Variants in GCFC2 observed in about 807,000 individuals in gnomAD.
GCFC2 encodes the protein GC-rich sequence DNA-binding factor 2, also known as intron Large complex component GCFC2.
In GCFC2, 102 loss-of-function variants were observed where a neutral mutation model predicts 99.4. The ratio of observed to expected loss-of-function variants is 1.03; its 90% confidence interval spans 0.87 to 1.21. The LOEUF (loss-of-function observed/expected upper bound fraction) is 1.21, where lower values mean the gene tolerates loss of function less well. Among genes scored for constraint, GCFC2 ranks in the 50% most tolerant of loss-of-function variants. GCFC2 has a pLI of 0.00. For synonymous variants in GCFC2, 338 were observed against 316.8 expected, an observed-to-expected ratio of 1.07 and a Z score of -0.71; for missense variants, 973 against 920.9, an observed-to-expected ratio of 1.06 and a Z score of -0.73.
intron 8 of GCFC2, 150 bp downstream of exon 8, chr2:75,690,488 G>T: frequency 1.7e-6 from 1 of 593,272 alleles, no homozygotes; most frequent in Non-Finnish European, 2.9e-6. Context: ...AGTCAAGGGT[G>T]GTTTTACTAA....
intron 12 of GCFC2, among the ~76,000 whole-genome samples, chr2:75,674,656 CTACACA>C (rs1181285921): frequency 1.3e-5 from 2 of 151,790 alleles, no homozygotes; most frequent in African/African-American, 2.4e-5. Context: ...AAATGGCATA[CTACACA>C]TTAGAGTAAA....
At position 75,680,291 on chromosome 2, in the gene GCFC2, G is replaced by A; in HGVS notation, c.1714C>T (p.Pro572Ser). The change falls in exon 12 of 17, where the codon CCT becomes TCT. Residue 572 changes from proline (P) to serine (S), a missense_variant. Physicochemically the swap from Pro to Ser is moderately conservative, Grantham distance 74. Transcript: ENST00000321027. ...LTDFVEFLWD[P>S]LSTSQTTSLI... ...CTTGTTGTCTGTGAGGTTGACAAAGGATCCCAAAGGAATTCTACAAAGTCT... is the reference window on the plus strand; with the variant it reads ...CTTGTTGTCTGTGAGGTTGACAAAGAATCCCAAAGGAATTCTACAAAGTCT... 1.2e-6 allele frequency: 2 copies of A among 1,608,536 alleles called. No homozygotes were observed.
intron 13 of GCFC2, 110 bp downstream of exon 13, chr2:75,673,334 A>G: frequency 1.5e-6 from 1 of 667,624 alleles, no homozygotes; most frequent in Non-Finnish European, 2.7e-6. Context: ...AGAAACACAA[A>G]AAACAAAACA....
At position 75,664,863 on chromosome 2, in the gene GCFC2, T is replaced by C. The variant is rs988202953; in HGVS notation, c.2229-80A>G. On this transcript the variant is annotated intron_variant, in intron 16 of 16. Coordinates refer to ENST00000321027, the MANE Select transcript of GCFC2 (RefSeq NM_003203.5). ...GGTCAATTCAGAACCTGATCATCAG[T>C]TGTTAATCTAAAACAAAAGCTTTAC... is the stretch of plus-strand genomic sequence containing the variant. The C allele has an allele frequency of 2.0e-5, 14 of 704,070 alleles. No homozygotes were observed. The African/African-American group carries it at 2.5e-4, about 13-fold the overall frequency. The allele number at this position is 704,070 out of a possible 1,614,324, so 43.6% of individuals were successfully genotyped here.
In GCFC2 at chr2:75,706,616, C is replaced by T. The variant is rs370808862; in HGVS notation, c.301G>A (p.Asp101Asn). Residue 101 changes from aspartate to asparagine, a missense_variant, in exon 2 of 17, where the codon GAT (aspartate) becomes AAT (asparagine). Transcript: ENST00000321027. ...CTTTCTGAGGAGTGATGTATTTTAT[C>T]CTCTTCATCTGTGGACACATCAAGG... ...RTLDVSTDEE[D>N]KIHHSSESKD... 26 of 1,593,936 alleles carry T rather than the reference C, an allele frequency of 1.6e-5. No homozygotes were observed. The African/African-American group carries it at 2.7e-4, about 16-fold the overall frequency.
intron 1 of GCFC2, 46 bp downstream of exon 1, chr2:75,710,545 C>A: frequency 2.1e-6 from 3 of 1,455,472 alleles, no homozygotes; most frequent in African/African-American, 1.5e-5. Flanking sequence ...GGCCCCTTCC[C>A]GCCCTGTGCC....
At chr2:75,691,291 T>A (rs1198319100) in intron 7 of GCFC2, among the ~76,000 whole-genome samples, 4 of 152,228 alleles carry the variant, frequency 2.6e-5, no homozygotes, top group Admixed American at 2.6e-4. Flanking sequence ...GGTATCTCTC[T>A]CTCAAAATAT....
At position 75,710,749 on chromosome 2, in the gene GCFC2, G is replaced by A. The variant is rs764549889; in HGVS notation, c.107C>T (p.Pro36Leu). 5 of 1,565,342 alleles carry A rather than the reference G, an allele frequency of 3.2e-6. No individual in the cohort carries two copies. The African/African-American group carries it at 4.2e-5, about 13-fold the overall frequency. Residue 36 changes from proline (P) to leucine (L), a missense_variant, in exon 1 of 17, where the codon CCG becomes CTG. Coordinates refer to ENST00000321027, the MANE Select transcript of GCFC2 (RefSeq NM_003203.5). ...PAEPGAPREL[P>L]VPGSAEEEPP... ...CTCTTCCTCCGCAGAACCCGGGACCGGAAGTTCCCTCGGCGCCCCAGGCTC... is the reference window on the plus strand; with the variant it reads ...CTCTTCCTCCGCAGAACCCGGGACCAGAAGTTCCCTCGGCGCCCCAGGCTC...
At chr2:75,709,374 T>C (rs1681013888) in intron 1 of GCFC2, among the ~76,000 whole-genome samples, 1 of 151,996 alleles carries the variant, frequency 6.6e-6, no homozygotes, top group Non-Finnish European at 1.5e-5. Context: ...TTTAGACAAA[T>C]AGAAGGTCAC....
intron 4 of GCFC2, among the ~76,000 whole-genome samples, chr2:75,700,425 T>G (rs923204156): frequency 3.9e-5 from 6 of 152,072 alleles, no homozygotes; most frequent in African/African-American, 1.4e-4. Context: ...ATGATATATA[T>G]TATCTATTCA....
At chr2:75,710,486 G>C in intron 1 of GCFC2, 105 bp downstream of exon 1, 1 of 1,392,784 alleles carries the variant, frequency 7.2e-7, no homozygotes, top group Non-Finnish European at 9.3e-7. Context: ...CATGGCTTGT[G>C]GTCGGCAGCA....
At chr2:75,669,495 G>C (rs1678991147) in intron 15 of GCFC2, among the ~76,000 whole-genome samples, 1 of 151,836 alleles carries the variant, frequency 6.6e-6, no homozygotes, top group Non-Finnish European at 1.5e-5. Context: ...CTCAAATATA[G>C]TCATTTACCA....
At chr2:75,696,911 G>A (rs528091205) in intron 4 of GCFC2, among the ~76,000 whole-genome samples, 1 of 151,814 alleles carries the variant, frequency 6.6e-6, no homozygotes, top group Admixed American at 6.6e-5. Flanking sequence ...TCAGCCTCCC[G>A]AGTAGCTGGG....
chr2:75,665,471 T>G (rs13393142), intron 16 of GCFC2, among the ~76,000 whole-genome samples: 96 of 152,030 alleles, frequency 6.3e-4, no homozygotes, highest in African/African-American at 1.8e-3. Flanking sequence ...GGCTTAAAAA[T>G]TTTTTTTGGA....
At chr2:75,705,159 T>C (rs1168619025) in intron 2 of GCFC2, among the ~76,000 whole-genome samples, 6 of 152,166 alleles carry the variant, frequency 3.9e-5, no homozygotes, top group African/African-American at 4.8e-5. Context: ...ACAGAAAATT[T>C]TACTGAATAG....
In GCFC2 at chr2:75,710,704, C is replaced by G. The variant is rs1681121253; in HGVS notation, c.152G>C (p.Arg51Pro). Reference protein sequence around the residue: ...AEEEPPSGGGRAQVAGLPHRV... With the variant: ...AEEEPPSGGGPAQVAGLPHRV... The stretch of plus-strand genomic sequence containing the variant: ...GTGGGGCAGTCCCGCCACCTGCGCG[C>G]GGCCTCCTCCAGAGGGCGGCTCTTC... The change falls in exon 1 of 17, where the codon CGC becomes CCC. Residue 51 changes from arginine (R) to proline (P), a missense_variant. Coordinates refer to ENST00000321027, the MANE Select transcript of GCFC2 (RefSeq NM_003203.5). 3.3e-6 allele frequency: 5 copies of G among 1,535,336 alleles called. No homozygotes were observed. The African/African-American group carries it at 5.7e-5, about 17-fold the overall frequency.
At chr2:75,704,328 A>G (rs1280537038) in intron 2 of GCFC2, among the ~76,000 whole-genome samples, 1 of 152,216 alleles carries the variant, frequency 6.6e-6, no homozygotes, top group African/African-American at 2.4e-5. Context: ...ACACAAATAA[A>G]TGCTCTTCTT....
chr2:75,673,551 A>T, intron 12 of GCFC2, 31 bp from the exon 13 acceptor site: 1 of 897,520 alleles, frequency 1.1e-6, no homozygotes, highest in Non-Finnish European at 1.9e-6. Flanking sequence ...AGCATCAGTG[A>T]TAGAAGATAG....
At chr2:75,703,681 A>G (rs1333586360) in intron 2 of GCFC2, among the ~76,000 whole-genome samples, 2 of 152,224 alleles carry the variant, frequency 1.3e-5, no homozygotes, top group African/African-American at 2.4e-5. Flanking sequence ...AGCAGGTTAT[A>G]GTAGCAATTC....
Sources: gnomAD v4.1 joint callset for allele counts (sites outside exome capture counted in the v4.1 genomes callset) on GRCh38, gnomAD v4.1.1 for gene constraint, MANE v1.5 for transcripts, NCBI Gene and HGNC (gene_info 2026-07-23, HGNC 2026-07-21) for gene names.